Variants in NDUFAF2 observed in about 807,000 individuals in gnomAD.
NDUFAF2 encodes the protein NADH:ubiquinone oxidoreductase complex assembly factor 2.
A neutral mutation model predicts 22.8 loss-of-function variants in NDUFAF2; 13 were observed. The ratio of observed to expected loss-of-function variants is 0.57; its 90% CI spans 0.37 to 0.91. The LOEUF is 0.91. NDUFAF2 is among the 40% of genes least tolerant of loss of function. NDUFAF2 has a pLI of 0.01. For synonymous variants in NDUFAF2, 53 were observed against 64.2 expected, an observed-to-expected ratio of 0.83 and a Z score of 0.84; for missense variants, 162 against 195.2, an observed-to-expected ratio of 0.83 and a Z score of 1.01.
chr5:60,954,469 G>A (rs192609714), intron 1 of NDUFAF2, among the ~76,000 whole-genome samples: 46 of 152,096 alleles, frequency 3.0e-4, no homozygotes, highest in Middle Eastern at 3.4e-3. Context: ...TGAGTTTTTC[G>A]TCTTTCTTCC....
chr5:61,034,912 ATGTGTGTGTGTG>A (rs1554080641), intron 1 of NDUFAF2, among the ~76,000 whole-genome samples: 1 of 144,888 alleles, frequency 6.9e-6, no homozygotes, highest in Non-Finnish European at 1.5e-5. Flanking sequence ...GCAAATATAT[ATGTGTGTGTGTG>A]TGTGTGTGTG....
intron 3 of NDUFAF2, among the ~76,000 whole-genome samples, chr5:61,146,761 A>G (rs891000301): frequency 6.6e-6 from 1 of 152,188 alleles, no homozygotes; most frequent in African/African-American, 2.4e-5. Flanking sequence ...TTCCATGACC[A>G]CATGTATATC....
intron 1 of NDUFAF2, among the ~76,000 whole-genome samples, chr5:60,995,101 G>A (rs977713273): frequency 6.6e-6 from 1 of 151,860 alleles, no homozygotes; most frequent in Admixed American, 6.6e-5. Flanking sequence ...GAGTTATCTT[G>A]CATTTCTTTG....
At position 60,996,025 on chromosome 5, in the gene NDUFAF2, C is replaced by G. The variant is rs78629122; in HGVS notation, c.127+50643C>G. ...TTGTTAAATGCTGCCTGGCCTAGGACTCACCCTTCAGGACAGTGGGCTCCC... is the reference window on the plus strand; with the variant it reads ...TTGTTAAATGCTGCCTGGCCTAGGAGTCACCCTTCAGGACAGTGGGCTCCC... On this transcript the variant is annotated intron_variant, in intron 1 of 3. Transcript: ENST00000296597. 7.6e-4 allele frequency among the ~76,000 whole-genome samples: 115 copies of G among 152,246 alleles called. 4 individuals are homozygous for G. The East Asian group carries it at 0.021, about 28-fold the overall frequency.
intron 3 of NDUFAF2, among the ~76,000 whole-genome samples, chr5:61,134,405 G>T (rs891999373): frequency 3.9e-5 from 6 of 152,164 alleles, no homozygotes; most frequent in African/African-American, 1.4e-4. Flanking sequence ...CATTAATCCC[G>T]CCAGGCGCGG....
chr5:60,954,111 A>G (rs1404596297), intron 1 of NDUFAF2, among the ~76,000 whole-genome samples: 2 of 152,110 alleles, frequency 1.3e-5, no homozygotes, highest in Non-Finnish European at 2.9e-5. Context: ...GGTAACTAGG[A>G]CTAGTTCCAG....
intron 3 of NDUFAF2, among the ~76,000 whole-genome samples, chr5:61,136,818 G>A (rs191938172): frequency 9.5e-4 from 144 of 152,302 alleles, no homozygotes; most frequent in Middle Eastern, 3.4e-3. Flanking sequence ...TGAAGAGCAA[G>A]GAAGCTGGGG....
At chr5:61,016,483 G>A (rs1412574668) in intron 1 of NDUFAF2, among the ~76,000 whole-genome samples, 2 of 152,116 alleles carry the variant, frequency 1.3e-5, no homozygotes, top group Non-Finnish European at 2.9e-5. Flanking sequence ...ATGAAAGCTG[G>A]TAAATAACTA....
At chr5:60,974,241 C>A (rs891768172) in intron 1 of NDUFAF2, among the ~76,000 whole-genome samples, 3 of 152,146 alleles carry the variant, frequency 2.0e-5, no homozygotes, top group Non-Finnish European at 2.9e-5. Flanking sequence ...TTCTCCTATG[C>A]CGGACGCTTC....
chr5:60,958,957 C>T (rs570488030), intron 1 of NDUFAF2, among the ~76,000 whole-genome samples: 28 of 152,110 alleles, frequency 1.8e-4, no homozygotes, highest in African/African-American at 6.3e-4. Flanking sequence ...TGTTAAGATA[C>T]CCAGTCATAA....
intron 1 of NDUFAF2, among the ~76,000 whole-genome samples, chr5:61,017,686 T>C (rs1241212916): frequency 6.6e-6 from 1 of 152,148 alleles, no homozygotes; most frequent in Non-Finnish European, 1.5e-5. Flanking sequence ...AGAGGATTGC[T>C]TGAGCGCAGG....
At chr5:61,039,516 G>A (rs1751845360) in intron 1 of NDUFAF2, among the ~76,000 whole-genome samples, 1 of 152,078 alleles carries the variant, frequency 6.6e-6, no homozygotes, top group Admixed American at 6.6e-5. Flanking sequence ...TCAATCAATA[G>A]TTGTACTATT....
At chr5:60,980,799 A>T (rs970424638) in intron 1 of NDUFAF2, among the ~76,000 whole-genome samples, 1 of 152,124 alleles carries the variant, frequency 6.6e-6, no homozygotes, top group Non-Finnish European at 1.5e-5. Flanking sequence ...GACACACTGA[A>T]CAATGCATCA....
chr5:61,090,195 C>G (rs1158315541), intron 2 of NDUFAF2, among the ~76,000 whole-genome samples: 1 of 151,998 alleles, frequency 6.6e-6, no homozygotes, highest in Non-Finnish European at 1.5e-5. Flanking sequence ...AGGGATTATA[C>G]TTAATTGTAG....
At chr5:61,134,692 C>A (rs1340777482) in intron 3 of NDUFAF2, among the ~76,000 whole-genome samples, 1 of 151,760 alleles carries the variant, frequency 6.6e-6, no homozygotes, top group Non-Finnish European at 1.5e-5. Flanking sequence ...TCTCAAAAAA[C>A]AAAAACAAAA....
chr5:61,016,191 A>AT lies in NDUFAF2; in HGVS notation c.128-56934_128-56933insT, dbSNP rs1254997169. Among the ~76,000 whole-genome samples, 32 of 51,830 alleles carry AT rather than the reference A, an allele frequency of 6.2e-4. No homozygotes were observed. In the South Asian group the frequency reaches 0.01, roughly 17 times the overall value. 34.0% of individuals were successfully genotyped at this position (51,830 alleles called of 152,430 possible). On this transcript the variant is annotated intron_variant, in intron 1 of 3. Transcript: ENST00000296597. ...CAGAGCAAGACTCTATCTAAAAAAA[A>AT]AATATATATATACAGAGGTAAAATG...
At chr5:61,069,742 C>A (rs983602885) in intron 1 of NDUFAF2, among the ~76,000 whole-genome samples, 34 of 152,196 alleles carry the variant, frequency 2.2e-4, no homozygotes, top group African/African-American at 7.9e-4. Flanking sequence ...CCCTTGTCAT[C>A]TACGATATGC....
chr5:61,121,206 A>G (rs539786220), intron 3 of NDUFAF2, among the ~76,000 whole-genome samples: 1 of 152,226 alleles, frequency 6.6e-6, no homozygotes, highest in South Asian at 2.1e-4. Flanking sequence ...GGCATTTTAT[A>G]TATTTTTCTT....
chr5:61,000,351 C>T (rs953548728), intron 1 of NDUFAF2, among the ~76,000 whole-genome samples: 4 of 152,042 alleles, frequency 2.6e-5, no homozygotes, highest in Admixed American at 6.6e-5. Context: ...AAACCAGCCC[C>T]CATCAGATTT....
Sources: gnomAD v4.1 joint callset for allele counts (sites outside exome capture counted in the v4.1 genomes callset) on GRCh38, gnomAD v4.1.1 for gene constraint, MANE v1.5 for transcripts, NCBI Gene and HGNC (gene_info 2026-07-23, HGNC 2026-07-21) for gene names.